Variants in VRK2 observed in about 807,000 individuals in gnomAD.
The protein encoded by VRK2 is VRK serine/threonine kinase 2, also known as serine/threonine-protein kinase VRK2.
VRK2 carries 60 observed loss-of-function variants against 57.6 expected under a neutral mutation model. That is an observed-to-expected ratio of 1.04 (90% CI 0.85 to 1.29). The LOEUF is 1.29. Among genes scored for constraint, VRK2 ranks in the 50% most tolerant of loss-of-function variants. The pLI is 0.00. For missense variants in VRK2, 705 were observed against 588.1 expected (o/e 1.20, Z -2.06); for synonymous variants, 231 against 199.2 (o/e 1.16, Z -1.35).
chr2:57,940,986 C>A (rs1015630854), intron 1 of VRK2, among the ~76,000 whole-genome samples: 6 of 152,066 alleles, frequency 3.9e-5, no homozygotes, highest in African/African-American at 1.2e-4. Flanking sequence ...CACAAGAATG[C>A]CATCTGGATC....
At chr2:57,980,951 G>C (rs928799239) in intron 1 of VRK2, among the ~76,000 whole-genome samples, 1 of 152,066 alleles carries the variant, frequency 6.6e-6, no homozygotes, top group African/African-American at 2.4e-5. Context: ...GACTCTTGAA[G>C]ACAGTATACA....
intron 1 of VRK2, among the ~76,000 whole-genome samples, chr2:57,946,225 G>A (rs1671256940): frequency 6.6e-6 from 1 of 151,640 alleles, no homozygotes. Context: ...ACCAAACACA[G>A]TGATTATAAT....
chr2:58,154,889 C>A, intron 12 of VRK2: 1 of 591,648 alleles, frequency 1.7e-6, no homozygotes, highest in Non-Finnish European at 3.1e-6. Flanking sequence ...TTGTTCACTT[C>A]AAAATATATT....
chr2:57,955,332 A>G (rs577718530), intron 1 of VRK2, among the ~76,000 whole-genome samples: 16 of 147,396 alleles, frequency 1.1e-4, no homozygotes, highest in South Asian at 2.1e-4. Context: ...AATTTCTGTA[A>G]ATATATGCAA....
chr2:58,046,757 C>T (rs190868036), upstream of VRK2: 225 of 985,504 alleles, frequency 2.3e-4, 1 homozygote, highest in African/African-American at 3.6e-3. Flanking sequence ...AGGGCAGGCT[C>T]GAGTGCTGGG....
intron 1 of VRK2, among the ~76,000 whole-genome samples, chr2:58,021,188 GC>G (rs1673745249): frequency 6.6e-6 from 1 of 152,068 alleles, no homozygotes; most frequent in African/African-American, 2.4e-5. Flanking sequence ...CTAATGATTT[GC>G]TATATAATTA....
At chr2:57,983,598 G>A (rs1247169054) in intron 1 of VRK2, among the ~76,000 whole-genome samples, 1 of 152,156 alleles carries the variant, frequency 6.6e-6, no homozygotes, top group Non-Finnish European at 1.5e-5. Context: ...GAAAGTATTT[G>A]CCTTCCTTTC....
intron 8 of VRK2, among the ~76,000 whole-genome samples, chr2:58,126,233 A>C (rs1303272345): frequency 6.6e-6 from 1 of 152,102 alleles, no homozygotes; most frequent in Non-Finnish European, 1.5e-5. Context: ...AGGCCAAGAG[A>C]CCTGAAGAGA....
At chr2:58,008,669 A>G (rs1227910920) in intron 1 of VRK2, among the ~76,000 whole-genome samples, 1 of 152,134 alleles carries the variant, frequency 6.6e-6, no homozygotes, top group Non-Finnish European at 1.5e-5. Flanking sequence ...TATAAATATA[A>G]AAGCAGATAA....
intron 7 of VRK2, among the ~76,000 whole-genome samples, chr2:58,102,998 A>G (rs1319020638): frequency 6.6e-6 from 1 of 151,778 alleles, no homozygotes; most frequent in Non-Finnish European, 1.5e-5. Context: ...TGGATCAATG[A>G]TGAAATTCAG....
At chr2:57,915,311 G>T (rs910486531) in intron 1 of VRK2, among the ~76,000 whole-genome samples, 1 of 151,972 alleles carries the variant, frequency 6.6e-6, no homozygotes, top group African/African-American at 2.4e-5. Context: ...AAACATGAAA[G>T]CATTTATAAC....
At chr2:57,955,073 T>G (rs919714265) in intron 1 of VRK2, among the ~76,000 whole-genome samples, 24 of 152,120 alleles carry the variant, frequency 1.6e-4, no homozygotes, top group Non-Finnish European at 7.4e-5. Flanking sequence ...TAAGAATTGG[T>G]GAAGAACATC....
intron 1 of VRK2, among the ~76,000 whole-genome samples, chr2:58,013,264 C>G (rs1225638975): frequency 6.6e-6 from 1 of 152,146 alleles, no homozygotes; most frequent in Non-Finnish European, 1.5e-5. Context: ...AACTTGTATG[C>G]ATTTGCAGAA....
intron 7 of VRK2, among the ~76,000 whole-genome samples, chr2:58,109,276 A>T (rs183136285): frequency 6.6e-6 from 1 of 152,298 alleles, no homozygotes; most frequent in East Asian, 1.9e-4. Context: ...AACCCCTAGG[A>T]GCCTACAGCC....
chr2:58,132,077 C>G, intron 9 of VRK2, 149 bp downstream of exon 9: 1 of 910,518 alleles, frequency 1.1e-6, no homozygotes, highest in Non-Finnish European at 1.6e-6. Context: ...TTAAAAAAAC[C>G]AAACAACTAA....
intron 1 of VRK2, among the ~76,000 whole-genome samples, chr2:57,972,959 T>C (rs1672141452): frequency 6.6e-6 from 1 of 151,948 alleles, no homozygotes; most frequent in Non-Finnish European, 1.5e-5. Context: ...GTCTTTGCTG[T>C]TATAAATGGT....
chr2:58,065,705 T>C (rs1036463517), intron 2 of VRK2, among the ~76,000 whole-genome samples: 3 of 152,252 alleles, frequency 2.0e-5, no homozygotes, highest in East Asian at 3.9e-4. Flanking sequence ...AAAATTAACA[T>C]TTCTACTATG....
chr2:58,122,648 G>A (rs1178080057), intron 7 of VRK2, among the ~76,000 whole-genome samples: 1 of 152,166 alleles, frequency 6.6e-6, no homozygotes, highest in South Asian at 2.1e-4. Context: ...GACCTGTGCA[G>A]TTCAAACCCA....
upstream of VRK2, among the ~76,000 whole-genome samples, chr2:58,042,338 CTATTATTTTCAAAAT>C (rs1338692236): frequency 4.6e-5 from 7 of 152,056 alleles, no homozygotes; most frequent in South Asian, 2.1e-4. Flanking sequence ...TACCTGAATT[CTATTATTTTCAAAAT>C]TATTAATTTC....
Sources: gnomAD v4.1 joint callset for allele counts (sites outside exome capture counted in the v4.1 genomes callset) on GRCh38, gnomAD v4.1.1 for gene constraint, MANE v1.5 for transcripts, NCBI Gene and HGNC (gene_info 2026-07-23, HGNC 2026-07-21) for gene names.